Variants in MED31 observed in about 807,000 individuals in gnomAD.
MED31 encodes mediator of RNA polymerase II transcription subunit 31.
Under a neutral mutation model 22.0 loss-of-function variants are expected in MED31, and 11 were observed. The ratio of observed to expected loss-of-function variants is 0.50; its 90% CI spans 0.31 to 0.83. The LOEUF is 0.83. Among genes scored for constraint, MED31 ranks in the 40% least tolerant of loss-of-function variants. The pLI is 0.04. For synonymous variants in MED31, 60 were observed against 55.1 expected, an observed-to-expected ratio of 1.09 and a Z score of -0.40; for missense variants, 122 against 155.3, an observed-to-expected ratio of 0.79 and a Z score of 1.14.
chr17:6,651,461 G>A (rs780609852), intron 1 of MED31, 40 bp downstream of exon 1: 5 of 1,613,510 alleles, frequency 3.1e-6, no homozygotes, highest in Non-Finnish European at 4.2e-6. Context: ...GTCAAGGAGA[G>A]TTCCATCTGC....
chr17:6,646,009 T>G (rs1285474460), intron 3 of MED31, among the ~76,000 whole-genome samples: 3 of 152,148 alleles, frequency 2.0e-5, no homozygotes, highest in Non-Finnish European at 4.4e-5. Flanking sequence ...ACAAATAGAC[T>G]TCATGTGACT....
chr17:6,650,180 C>G, intron 2 of MED31, 102 bp from the exon 3 acceptor site: 1 of 1,262,124 alleles, frequency 7.9e-7, no homozygotes. Context: ...ACCCCCACCA[C>G]CAACACACAT....
intron 3 of MED31, among the ~76,000 whole-genome samples, chr17:6,645,450 G>A (rs565267582): frequency 1.3e-5 from 2 of 152,246 alleles, no homozygotes; most frequent in East Asian, 3.9e-4. Flanking sequence ...GGTTTCCAAG[G>A]AGCAGGTTTC....
Position 6,644,268 on chromosome 17 carries a change from C to A in MED31, c.*199G>T. ...AAAAAAGAAAAACACCTTACAAATC[C>A]ACAGGGAAATCAAAGAACAATTCAG... On this transcript the variant is annotated 3_prime_UTR_variant, in exon 4 of 4. Transcript: ENST00000225728. 1.7e-6 allele frequency: 1 copy of A among 588,178 alleles called. No homozygotes were observed. The highest frequency in any genetic ancestry group is 2.7e-6 in the Non-Finnish European group (1 of 374,938). 36.4% of individuals were successfully genotyped at this position (588,178 alleles called of 1,614,324 possible).
At chr17:6,648,169 TG>T (rs1402993030) in intron 3 of MED31, among the ~76,000 whole-genome samples, 1 of 152,244 alleles carries the variant, frequency 6.6e-6, no homozygotes, top group Non-Finnish European at 1.5e-5. Flanking sequence ...CAGAGGTGTA[TG>T]ACCACATGAA....
chr17:6,644,344 C>A lies in MED31; in HGVS notation c.*123G>T. 1 of 1,149,406 alleles carries A rather than the reference C, an allele frequency of 8.7e-7. No homozygotes were observed. Among genetic ancestry groups the A allele is most frequent in the Non-Finnish European group, 1.2e-6 (1 of 863,572 alleles). 71.2% of individuals were successfully genotyped at this position (1,149,406 alleles called of 1,614,324 possible). A position where few individuals can be genotyped will look rare whatever the true frequency, so the allele number is the denominator to read the frequency against. ...ATAAAAAGTTGGATGAAAAAGCACACTAAAGGTTCTAGGGGCTACCATAAT... is the reference window on the plus strand; with the variant it reads ...ATAAAAAGTTGGATGAAAAAGCACAATAAAGGTTCTAGGGGCTACCATAAT... On this transcript the variant is annotated 3_prime_UTR_variant, in exon 4 of 4. Transcript: ENST00000225728.
chr17:6,646,590 A>G (rs1016891817), intron 3 of MED31, among the ~76,000 whole-genome samples: 1 of 152,248 alleles, frequency 6.6e-6, no homozygotes, highest in African/African-American at 2.4e-5. Flanking sequence ...TGCCTTGTTA[A>G]CAATATGTTT....
intron 3 of MED31, among the ~76,000 whole-genome samples, chr17:6,648,959 A>G (rs1972796432): frequency 1.3e-5 from 2 of 152,226 alleles, no homozygotes; most frequent in South Asian, 4.1e-4. Context: ...TATTCGTTGA[A>G]GTCTACTTTT....
rs979708490 is a variant in MED31, at chr17:6,644,136, G to C, written c.*331C>G. On this transcript the variant is annotated 3_prime_UTR_variant, in exon 4 of 4. Transcript: ENST00000225728. ...TATATGTCAGGAACAGCTAGCCTTA[G>C]AATTCAGTATACTTGGTGGCCCACC... The C allele has an allele frequency of 2.4e-6, 1 of 421,558 alleles. No homozygotes were observed. The highest frequency in any genetic ancestry group is 8.6e-5 in the South Asian group (1 of 11,670). The allele number at this position is 421,558 out of a possible 1,614,324, so 26.1% of individuals were successfully genotyped here. A position where few individuals can be genotyped will look rare whatever the true frequency, so the allele number is the denominator to read the frequency against.
rs1259987355 is a variant in MED31, at chr17:6,651,575, C to A, written c.-47G>T. On this transcript the variant is annotated 5_prime_UTR_variant, in exon 1 of 4. Coordinates refer to ENST00000225728, the MANE Select transcript of MED31 (RefSeq NM_016060.3). Reference sequence around the variant, plus strand: ...GCCACCAGCCTGACAGAGCAAAAGCCCAGAGACGCGGGCGAAGTTCCGGAA... The same window carrying A: ...GCCACCAGCCTGACAGAGCAAAAGCACAGAGACGCGGGCGAAGTTCCGGAA... The A allele has an allele frequency of 6.2e-6, 10 of 1,612,896 alleles. No homozygotes were observed. The highest frequency in any genetic ancestry group is 8.5e-6 in the Non-Finnish European group (10 of 1,179,508).
intron 3 of MED31, 140 bp downstream of exon 3, chr17:6,649,842 A>C (rs1972809724): frequency 1.2e-6 from 1 of 811,528 alleles, no homozygotes; most frequent in Non-Finnish European, 1.8e-6. Context: ...TACAAGTTAG[A>C]GATGAGGGTG....
intron 3 of MED31, among the ~76,000 whole-genome samples, chr17:6,649,026 C>T (rs1322439566): frequency 3.3e-5 from 5 of 152,146 alleles, no homozygotes; most frequent in African/African-American, 9.6e-5. Flanking sequence ...AAGGTGCAAA[C>T]GGTCCTGCAG....
At chr17:6,651,409 C>G in intron 1 of MED31, 92 bp downstream of exon 1, 2 of 1,516,194 alleles carry the variant, frequency 1.3e-6, no homozygotes, top group Non-Finnish European at 1.8e-6. Flanking sequence ...TTAACCCTGC[C>G]AAGAGTAAGG....
At chr17:6,649,844 A>G in intron 3 of MED31, 138 bp downstream of exon 3, 1 of 830,876 alleles carries the variant, frequency 1.2e-6, no homozygotes, top group South Asian at 2.7e-5. Context: ...CAAGTTAGAG[A>G]TGAGGGTGTC....
At chr17:6,649,242 T>C (rs147116253) in intron 3 of MED31, among the ~76,000 whole-genome samples, 84 of 150,056 alleles carry the variant, frequency 5.6e-4, no homozygotes, top group Non-Finnish European at 9.4e-4. Flanking sequence ...TTTTTAACCA[T>C]TAAAAGGGAA....
intron 2 of MED31, 30 bp from the exon 3 acceptor site, chr17:6,650,108 G>T: frequency 6.5e-7 from 1 of 1,547,670 alleles, no homozygotes; most frequent in South Asian, 1.2e-5. Flanking sequence ...AAAATCTGTA[G>T]GTCAAACCAA....
intron 2 of MED31, 76 bp from the exon 3 acceptor site, chr17:6,650,154 G>T (rs1052213208): frequency 1.4e-6 from 2 of 1,416,472 alleles, no homozygotes; most frequent in African/African-American, 2.9e-5. Context: ...TAATATAAAG[G>T]ATCTATTTAC....
In MED31 at chr17:6,650,223, A is replaced by G. The variant is rs17842438; in HGVS notation, c.106+133T>C. On this transcript the variant is annotated intron_variant, in intron 2 of 3. Coordinates refer to ENST00000225728, the MANE Select transcript of MED31 (RefSeq NM_016060.3). ...AAAACACAAGTCCCAGTACGCAATT[A>G]TATCTATATACCAGCATAAGTGTAA... 5.8e-6 allele frequency: 7 copies of G among 1,197,206 alleles called. No homozygotes were observed. In the African/African-American group the frequency reaches 7.6e-5, roughly 13 times the overall value. The allele number at this position is 1,197,206 out of a possible 1,614,324, so 74.2% of individuals were successfully genotyped here.
At chr17:6,648,627 C>T (rs182252297) in intron 3 of MED31, among the ~76,000 whole-genome samples, 1 of 152,324 alleles carries the variant, frequency 6.6e-6, no homozygotes, top group Non-Finnish European at 1.5e-5. Flanking sequence ...CTGAATAAAA[C>T]ACCCAAAAGG....
Sources: gnomAD v4.1 joint callset for allele counts (sites outside exome capture counted in the v4.1 genomes callset) on GRCh38, gnomAD v4.1.1 for gene constraint, MANE v1.5 for transcripts, NCBI Gene and HGNC (gene_info 2026-07-23, HGNC 2026-07-21) for gene names.